Variants in TAS1R2 observed in about 807,000 individuals in gnomAD.
TAS1R2 encodes taste receptor type 1 member 2.
Under a neutral mutation model 49.3 loss-of-function variants are expected in TAS1R2, and 47 were observed. That is an observed-to-expected ratio of 0.95 (90% CI 0.75 to 1.22). TAS1R2 has a LOEUF of 1.22. TAS1R2 is among the 50% of genes most tolerant of loss of function. TAS1R2 has a pLI of 0.00. For synonymous variants in TAS1R2, 479 were observed against 467.9 expected (o/e 1.02, Z -0.31); for missense variants, 1,155 against 1,122.1 (o/e 1.03, Z -0.42).
intron 4 of TAS1R2, among the ~76,000 whole-genome samples, chr1:18,843,235 C>T (rs1028841922): frequency 6.6e-6 from 1 of 152,148 alleles, no homozygotes; most frequent in African/African-American, 2.4e-5. Context: ...GGTAATTGGA[C>T]CTGGTTAGTA....
intron 4 of TAS1R2, among the ~76,000 whole-genome samples, chr1:18,845,202 A>G (rs1933895270): frequency 6.6e-6 from 1 of 152,206 alleles, no homozygotes. Flanking sequence ...GGGGTGTGAC[A>G]TGGGCATGTG....
intron 4 of TAS1R2, among the ~76,000 whole-genome samples, chr1:18,848,439 G>A (rs6603919): frequency 0.41 from 62,802 of 151,598 alleles, 13,288 homozygotes; most frequent in East Asian, 0.55. Flanking sequence ...TTCCCAATCA[G>A]TGGGGGAAGG....
chr1:18,841,940 G>A, intron 4 of TAS1R2, 88 bp from the exon 5 acceptor site: 1 of 1,426,222 alleles, frequency 7.0e-7, no homozygotes, highest in African/African-American at 1.4e-5. Flanking sequence ...GATGTTCAGG[G>A]GAGGAAGCCT....
intron 3 of TAS1R2, 96 bp from the exon 4 acceptor site, chr1:18,849,646 T>G: frequency 1.5e-6 from 2 of 1,371,354 alleles, no homozygotes; most frequent in Non-Finnish European, 2.0e-6. Flanking sequence ...TCCATTAGCC[T>G]TGATTTCCAA....
At chr1:18,849,221 C>T (rs1315658672) in intron 4 of TAS1R2, 120 bp downstream of exon 4, 22 of 1,044,896 alleles carry the variant, frequency 2.1e-5, no homozygotes, top group Non-Finnish European at 2.9e-5. Context: ...AATAGACATC[C>T]CCCCAGAGAT....
At chr1:18,840,036 T>C (rs1246025112) in exon 6 of TAS1R2, 1 of 1,613,270 alleles carries the variant, frequency 6.2e-7, no homozygotes, top group South Asian at 1.1e-5. Flanking sequence ...AGCATGCCAA[T>C]TACCACAATG....
At chr1:18,839,842 G>T in exon 6 of TAS1R2, 1 of 1,614,250 alleles carries the variant, frequency 6.2e-7, no homozygotes, top group Non-Finnish European at 8.5e-7. Context: ...TGATGAACTT[G>T]GCCTCGTTGT....
At chr1:18,855,134 G>T (rs1007054550) in intron 2 of TAS1R2, 148 bp from the exon 3 acceptor site, 1 of 987,302 alleles carries the variant, frequency 1.0e-6, no homozygotes, top group Non-Finnish European at 1.5e-6. Flanking sequence ...AATCATCATG[G>T]TCCCCAGGTA....
chr1:18,854,196 G>A lies in TAS1R2; in HGVS notation c.1257+17C>T. Reference sequence around the variant, plus strand: ...GATGGAGGTGCCCTGCAGACTCTATGGCAGCCACCCCCTCACCTGCCAGGG... The same window carrying A: ...GATGGAGGTGCCCTGCAGACTCTATAGCAGCCACCCCCTCACCTGCCAGGG... On this transcript the variant is annotated intron_variant, in intron 3 of 5. Transcript: ENST00000375371. This position sits in a 1 kb window ranked among gnomAD's most constrained non-coding sequence, Gnocchi z 4.9. 6.2e-7 allele frequency: 1 copy of A among 1,609,078 alleles called. No individual in the cohort carries two copies.
intron 5 of TAS1R2, among the ~76,000 whole-genome samples, chr1:18,841,244 C>T (rs1016595153): frequency 9.2e-5 from 14 of 152,198 alleles, no homozygotes; most frequent in African/African-American, 3.4e-4. Context: ...GATCATTCTT[C>T]TCATCAAGGA....
At chr1:18,840,381 T>C in exon 6 of TAS1R2, 1 of 1,614,036 alleles carries the variant, frequency 6.2e-7, no homozygotes, top group Non-Finnish European at 8.5e-7. Context: ...ATGGCCAGGG[T>C]GCTGAGGAAG....
At chr1:18,857,751 C>G (rs1202579088) in intron 1 of TAS1R2, 120 bp from the exon 2 acceptor site, 3 of 1,172,150 alleles carry the variant, frequency 2.6e-6, no homozygotes, top group African/African-American at 3.1e-5. Context: ...CTGAGAAGAG[C>G]CACTCCAGAA....
At chr1:18,857,308 T>C in intron 2 of TAS1R2, 23 bp downstream of exon 2, 1 of 1,604,768 alleles carries the variant, frequency 6.2e-7, no homozygotes, top group Non-Finnish European at 8.5e-7. Flanking sequence ...CCCAGGTCCT[T>C]CTCCAGGGCC....
chr1:18,841,958 C>T, intron 4 of TAS1R2, 106 bp from the exon 5 acceptor site: 2 of 1,324,632 alleles, frequency 1.5e-6, no homozygotes, highest in Admixed American at 5.1e-5. Flanking sequence ...CCTAGAAGCC[C>T]CCTAGGTTTT....
At position 18,854,385 on chromosome 1, in the gene TAS1R2, T is replaced by TC; in HGVS notation, c.1084dup (p.Glu362GlyfsTer45). ...GGTGGCGTTCAGGCAGTTGTCGCAC[T>TC]CCTGGTTGCAGGTATAGCTCTGGCT... is the stretch of plus-strand genomic sequence containing the variant. On this transcript the variant is annotated frameshift_variant, in exon 3 of 6. Coordinates refer to ENST00000375371, the Ensembl canonical transcript of TAS1R2. LOFTEE classifies it high-confidence loss of function. This position sits in a 1 kb window ranked among gnomAD's most constrained non-coding sequence, Gnocchi z 4.9. 2 of 1,613,974 alleles carry TC rather than the reference T, an allele frequency of 1.2e-6. No homozygotes were observed. Among genetic ancestry groups the TC allele is most frequent in the Non-Finnish European group, 1.7e-6 (2 of 1,179,934 alleles).
exon 2 of TAS1R2, chr1:18,857,455 T>C: frequency 6.2e-7 from 1 of 1,614,000 alleles, no homozygotes; most frequent in South Asian, 1.1e-5. Context: ...GGGAAGGAGG[T>C]TGTCCTCGTG....
chr1:18,853,973 C>T (rs1401014095), intron 3 of TAS1R2, among the ~76,000 whole-genome samples: 2 of 152,206 alleles, frequency 1.3e-5, no homozygotes, highest in African/African-American at 2.4e-5. Context: ...CGCTGCCGTT[C>T]CCACTGCCTG....
chr1:18,843,427 C>A (rs945308283), intron 4 of TAS1R2, among the ~76,000 whole-genome samples: 4 of 152,130 alleles, frequency 2.6e-5, no homozygotes, highest in African/African-American at 9.7e-5. Flanking sequence ...AGTCATCCAC[C>A]CTACACCTGC....
chr1:18,858,589 C>A (rs1304653239), intron 1 of TAS1R2: 1 of 152,402 alleles, frequency 6.6e-6, no homozygotes, highest in African/African-American at 2.4e-5. Context: ...ACCACCATTA[C>A]CACTATCATC....
Sources: gnomAD v4.1 joint callset for allele counts (sites outside exome capture counted in the v4.1 genomes callset) on GRCh38, gnomAD v4.1.1 for gene constraint, Gnocchi (gnomAD v3.1) non-coding constraint, MANE v1.5 for transcripts, NCBI Gene and HGNC (gene_info 2026-07-23, HGNC 2026-07-21) for gene names.